ANK3: variants seen among roughly 807,000 people sequenced by gnomAD.
ANK3 encodes the protein ankyrin 3, also known as ankyrin-3.
In ANK3, 57 loss-of-function variants were observed where a neutral mutation model predicts 370.9. The ratio of observed to expected loss-of-function variants is 0.15; its 90% confidence interval spans 0.12 to 0.19. The LOEUF is 0.19. Ranked by LOEUF, ANK3 falls within the 10% of genes least tolerant of loss-of-function variation. The probability of loss-of-function intolerance (pLI) is 1.00; values close to 1 mark genes in which losing one functional copy is unlikely to be tolerated. For missense variants in ANK3, 4,439 were observed against 5,302.1 expected, an observed-to-expected ratio of 0.84 and a Z score of 5.06; for synonymous variants, 1,929 against 1,946.3, an observed-to-expected ratio of 0.99 and a Z score of 0.23.
At chr10:60,519,818 A>G (rs561956933) in intron 2 of ANK3, among the ~76,000 whole-genome samples, 1 of 152,296 alleles carries the variant, frequency 6.6e-6, no homozygotes, top group East Asian at 1.9e-4. Context: ...AGAATCATAA[A>G]GATAACACTG....
chr10:60,310,833 T>G (rs1222163608), intron 1 of ANK3, among the ~76,000 whole-genome samples: 1 of 152,230 alleles, frequency 6.6e-6, no homozygotes, highest in Admixed American at 6.5e-5. Flanking sequence ...CACTCCTCTC[T>G]GCAATGTCCT....
At chr10:60,395,565 TTTCTTTCTTTCTTTC>T (rs2063206611) in intron 2 of ANK3, among the ~76,000 whole-genome samples, 1 of 99,484 alleles carries the variant, frequency 1.0e-5, no homozygotes, top group Non-Finnish European at 2.1e-5. Flanking sequence ...TCTTTCTTTC[TTTCTTTCTTTCTTTC>T]TTTCTTTCTT....
At chr10:60,515,690 T>A (rs1299751701) in intron 2 of ANK3, among the ~76,000 whole-genome samples, 1 of 152,120 alleles carries the variant, frequency 6.6e-6, no homozygotes, top group East Asian at 1.9e-4. Context: ...GCCACCAGGG[T>A]TCGTGGTTAC....
At chr10:60,474,070 C>T (rs994651053) in intron 2 of ANK3, among the ~76,000 whole-genome samples, 5 of 151,350 alleles carry the variant, frequency 3.3e-5, no homozygotes, top group African/African-American at 9.7e-5. Context: ...GAGTTCGAGG[C>T]TGCAGTGAGC....
intron 2 of ANK3, among the ~76,000 whole-genome samples, chr10:60,446,709 T>C (rs1459250675): frequency 6.6e-6 from 1 of 152,162 alleles, no homozygotes; most frequent in African/African-American, 2.4e-5. Context: ...TCAAAGGAGC[T>C]CCAACTTAAA....
At chr10:60,345,986 G>T (rs972930995) in intron 1 of ANK3, among the ~76,000 whole-genome samples, 1 of 151,978 alleles carries the variant, frequency 6.6e-6, no homozygotes. Flanking sequence ...TATAATAGAG[G>T]TGGAATTTGA....
intron 1 of ANK3, among the ~76,000 whole-genome samples, chr10:60,324,228 A>G (rs2049292843): frequency 6.6e-6 from 1 of 152,206 alleles, no homozygotes; most frequent in African/African-American, 2.4e-5. Flanking sequence ...TGTCGAGAAT[A>G]TGTCCTTAGA....
At chr10:60,635,239 C>A (rs572572578) in intron 1 of ANK3, among the ~76,000 whole-genome samples, 110 of 152,056 alleles carry the variant, frequency 7.2e-4, no homozygotes, top group African/African-American at 2.6e-3. Flanking sequence ...GTGGTTACAC[C>A]TAAATTCTTT....
At chr10:60,703,720 T>A (rs1204919701) in intron 1 of ANK3, among the ~76,000 whole-genome samples, 4 of 152,192 alleles carry the variant, frequency 2.6e-5, no homozygotes, top group African/African-American at 9.6e-5. Flanking sequence ...GTATAAAATA[T>A]GTAAGAAATA....
intron 1 of ANK3, among the ~76,000 whole-genome samples, chr10:60,655,375 G>T (rs2078849543): frequency 1.3e-5 from 2 of 151,904 alleles, no homozygotes; most frequent in South Asian, 4.2e-4. Context: ...TAATATTGAT[G>T]ATCCTAACCC....
At chr10:60,469,002 T>TATATATATAC (rs1348717773) in intron 2 of ANK3, among the ~76,000 whole-genome samples, 3 of 48,872 alleles carry the variant, frequency 6.1e-5, no homozygotes, top group Admixed American at 2.9e-4. Flanking sequence ...AGTGTGTATA[T>TATATATATAC]ATATATATAT....
At chr10:60,596,310 C>T (rs973205063) in intron 2 of ANK3, among the ~76,000 whole-genome samples, 1 of 152,110 alleles carries the variant, frequency 6.6e-6, no homozygotes, top group African/African-American at 2.4e-5. Flanking sequence ...TGGCTGAACA[C>T]TCAACAATAA....
At chr10:60,341,610 A>G (rs1479250005) in intron 1 of ANK3, among the ~76,000 whole-genome samples, 1 of 152,112 alleles carries the variant, frequency 6.6e-6, no homozygotes, top group Non-Finnish European at 1.5e-5. Context: ...TTATCCACTT[A>G]TGTGCCTGTC....
chr10:60,341,671 T>G (rs1438441767), intron 1 of ANK3, among the ~76,000 whole-genome samples: 1 of 152,180 alleles, frequency 6.6e-6, no homozygotes, highest in Non-Finnish European at 1.5e-5. Flanking sequence ...TCGTGCCTGG[T>G]TCCTTTTTGT....
chr10:60,407,168 T>C (rs2063472964), intron 2 of ANK3, among the ~76,000 whole-genome samples: 1 of 152,220 alleles, frequency 6.6e-6, no homozygotes, highest in African/African-American at 2.4e-5. Flanking sequence ...TAACCCCTGC[T>C]TTTGAGTTTC....
chr10:60,501,798 A>T (rs1371506317), intron 2 of ANK3, among the ~76,000 whole-genome samples: 1 of 151,886 alleles, frequency 6.6e-6, no homozygotes, highest in African/African-American at 2.4e-5. Context: ...ACATAGTGAG[A>T]CCCCAAGTCT....
intron 28 of ANK3, among the ~76,000 whole-genome samples, chr10:60,097,223 G>T (rs1446568714): frequency 6.6e-6 from 1 of 152,190 alleles, no homozygotes; most frequent in South Asian, 2.1e-4. Flanking sequence ...TTAGAACCTA[G>T]GTCTAGGAAA....
intron 9 of ANK3, 127 bp downstream of exon 9, chr10:60,213,285 A>T: frequency 1.7e-6 from 1 of 581,640 alleles, no homozygotes; most frequent in East Asian, 2.9e-5. Context: ...TTCTATAAAG[A>T]TCTGGTGAAC....
chr10:60,420,841 T>C, intron 2 of ANK3, among the ~76,000 whole-genome samples: 1 of 152,180 alleles, frequency 6.6e-6, no homozygotes, highest in African/African-American at 2.4e-5. Context: ...TACCTAGCAA[T>C]TGCACTGCTA....
Sources: gnomAD v4.1 joint callset for allele counts (sites outside exome capture counted in the v4.1 genomes callset) on GRCh38, gnomAD v4.1.1 for gene constraint, MANE v1.5 for transcripts, NCBI Gene and HGNC (gene_info 2026-07-23, HGNC 2026-07-21) for gene names.